Variants in SPATA2L observed in about 807,000 individuals in gnomAD.
The protein encoded by SPATA2L is spermatogenesis associated 2 like.
In SPATA2L, 5 loss-of-function variants were observed where a neutral mutation model predicts 8.7. The ratio of observed to expected loss-of-function variants is 0.57; its 90% CI spans 0.30 to 1.21. The LOEUF is 1.21. Ranked by LOEUF, SPATA2L falls within the 50% of genes most tolerant of loss-of-function variation. SPATA2L has a pLI of 0.07. For missense variants in SPATA2L, 671 were observed against 591.0 expected (o/e 1.14, Z -1.40); for synonymous variants, 358 against 275.8 (o/e 1.30, Z -2.95).
At chr16:89,699,561 T>C (rs537399159) in intron 2 of SPATA2L, among the ~76,000 whole-genome samples, 1 of 151,770 alleles carries the variant, frequency 6.6e-6, no homozygotes, top group East Asian at 1.9e-4. Flanking sequence ...CTCTTTTTTT[T>C]TTTTTTTTGA....
chr16:89,696,901 C>A lies in SPATA2L; in HGVS notation c.*433G>T. The A allele has an allele frequency of 6.5e-7, 1 of 1,532,782 alleles. No individual in the cohort carries two copies. The highest frequency in any genetic ancestry group is 8.7e-7 in the Non-Finnish European group (1 of 1,144,830). The allele number at this position is 1,532,782 out of a possible 1,614,324, so 94.9% of individuals were successfully genotyped here. On this transcript the variant is annotated 3_prime_UTR_variant, in exon 3 of 3. Transcript: ENST00000289805. ...GGGAGCTCGGTGTCACCAACAGGCCCTTGAGGACACTCGTGTGGAGAATCC... is the reference window on the plus strand; with the variant it reads ...GGGAGCTCGGTGTCACCAACAGGCCATTGAGGACACTCGTGTGGAGAATCC...
intron 2 of SPATA2L, among the ~76,000 whole-genome samples, chr16:89,700,027 T>G (rs939768972): frequency 2.6e-5 from 4 of 152,354 alleles, no homozygotes; most frequent in Admixed American, 2.0e-4. Context: ...GGGCTTTGAT[T>G]CATTCCTCTG....
At position 89,697,612 on chromosome 16, in the gene SPATA2L, G is replaced by A. The variant is rs1460368796; in HGVS notation, c.997C>T (p.Pro333Ser). Residue 333 changes from proline to serine, a missense_variant, in exon 3 of 3, where the codon CCG becomes TCG. Transcript: ENST00000289805. ...ACCCCCTCTGCCCGAATACGCCTCG[G>A]GCTGGCCGCTGCAGAGCTTTCAGGG... ...ATPESSAAAS[P>S]RRIRAEGVPA... 3 of 1,604,700 alleles carry A rather than the reference G, an allele frequency of 1.9e-6. No homozygotes were observed. The African/African-American group carries it at 4.0e-5, about 21-fold the overall frequency.
At chr16:89,700,195 C>T (rs910330111) in intron 2 of SPATA2L, among the ~76,000 whole-genome samples, 2 of 152,248 alleles carry the variant, frequency 1.3e-5, no homozygotes, top group Admixed American at 6.5e-5. Flanking sequence ...CCGCCCCGCC[C>T]CCTGGGAGGC....
rs765822196 is a variant in SPATA2L at position 89,700,939 on chromosome 16, G to A, written c.294C>T (p.Thr98=). Residue 98 remains threonine, a synonymous_variant, in exon 2 of 3, where the codon ACC becomes ACT. Coordinates refer to ENST00000289805, the MANE Select transcript of SPATA2L (RefSeq NM_152339.4). ...CTGGCCTGGCGCCTACCTTGATGGT[G>A]GTGAACTCCTTCCTCCAGGGCAGCA... is the stretch of plus-strand genomic sequence containing the variant. ...LYLLPWRKEF[T]TIKTFSGGYV... 2.2e-4 allele frequency: 330 copies of A among 1,488,260 alleles called. No homozygotes were observed. The highest frequency in any genetic ancestry group is 2.6e-4 in the Non-Finnish European group (291 of 1,116,434). 92.2% of individuals were successfully genotyped at this position (1,488,260 alleles called of 1,614,324 possible).
rs1335016100 is a variant in SPATA2L, at chr16:89,696,894, A to G, written c.*440T>C. The G allele has an allele frequency of 1.0e-5, 16 of 1,533,936 alleles. No homozygotes were observed. Among genetic ancestry groups the G allele is most frequent in the Non-Finnish European group, 1.4e-5 (16 of 1,145,656 alleles). ...GGGTGGGGGGAGCTCGGTGTCACCA[A>G]CAGGCCCTTGAGGACACTCGTGTGG... On this transcript the variant is annotated 3_prime_UTR_variant, in exon 3 of 3. Coordinates refer to ENST00000289805, the MANE Select transcript of SPATA2L (RefSeq NM_152339.4).
Position 89,697,639 on chromosome 16 carries a change from T to C in SPATA2L, c.970A>G (p.Thr324Ala). 1 of 1,607,644 alleles carries C rather than the reference T, an allele frequency of 6.2e-7. No individual in the cohort carries two copies. The highest frequency in any genetic ancestry group is 8.5e-7 in the Non-Finnish European group (1 of 1,179,808). ...CTGGCCGCTGCAGAGCTTTCAGGGG[T>C]GGCCAGGTCCCCAGGCCTACTCAGC... ...RELSRPGDLA[T>A]PESSAAASPR... The change falls in exon 3 of 3, where the codon ACC becomes GCC. Residue 324 changes from threonine (T) to alanine (A), a missense_variant. Thr to Ala is a moderately conservative substitution (Grantham distance 58, BLOSUM62 0). Transcript: ENST00000289805.
At chr16:89,698,380 T>A (rs566042798) in intron 2 of SPATA2L, 75 bp from the exon 3 acceptor site, 43 of 1,477,626 alleles carry the variant, frequency 2.9e-5, no homozygotes, top group African/African-American at 2.8e-4. Context: ...GGGTCCGGGA[T>A]CTGTTGGCTC....
At chr16:89,698,425 C>G (rs1597890096) in intron 2 of SPATA2L, 120 bp from the exon 3 acceptor site, 1 of 1,100,862 alleles carries the variant, frequency 9.1e-7, no homozygotes, top group South Asian at 2.0e-5. Flanking sequence ...AGACCCAACC[C>G]CAGAGACTAG....
At chr16:89,700,058 C>T (rs997983774) in intron 2 of SPATA2L, among the ~76,000 whole-genome samples, 2 of 152,218 alleles carry the variant, frequency 1.3e-5, no homozygotes, top group Non-Finnish European at 1.5e-5. Flanking sequence ...CTGGACTGTT[C>T]CCGTGTCGCT....
intron 2 of SPATA2L, among the ~76,000 whole-genome samples, chr16:89,699,193 A>C (rs944086484): frequency 6.6e-6 from 1 of 152,164 alleles, no homozygotes; most frequent in Non-Finnish European, 1.5e-5. Flanking sequence ...CTTCTGTCCC[A>C]CCGCTCCCTT....
At position 89,696,842 on chromosome 16, in the gene SPATA2L, C is replaced by T. The variant is rs375892681; in HGVS notation, c.*492G>A. On this transcript the variant is annotated 3_prime_UTR_variant, in exon 3 of 3. Coordinates refer to ENST00000289805, the MANE Select transcript of SPATA2L (RefSeq NM_152339.4). Reference sequence around the variant, plus strand: ...AGGTCAGCCGTGCACCCGGCAGAGCCCCGCAGATTGGCTCCAGCAGAGCTT... The same window carrying T: ...AGGTCAGCCGTGCACCCGGCAGAGCTCCGCAGATTGGCTCCAGCAGAGCTT... The T allele has an allele frequency of 2.0e-6, 3 of 1,535,302 alleles. No individual in the cohort carries two copies. Among genetic ancestry groups the T allele is most frequent in the East Asian group, 4.9e-5 (2 of 40,916 alleles).
intron 2 of SPATA2L, among the ~76,000 whole-genome samples, chr16:89,698,977 G>A (rs781589890): frequency 7.3e-5 from 11 of 151,560 alleles, no homozygotes; most frequent in East Asian, 1.9e-4. Flanking sequence ...TAGTAGAGAC[G>A]GGGTTTCACC....
rs777856820 is a variant in SPATA2L, at chr16:89,697,504, GGGT to G, written c.1102_1104del (p.Thr368del). 2 of 1,599,598 alleles carry G rather than the reference GGGT, an allele frequency of 1.3e-6. No homozygotes were observed. Among genetic ancestry groups the G allele is most frequent in the African/African-American group, 2.7e-5 (2 of 74,756 alleles). ...AGCTGGCGACAGGTGTCGCAGCAGA[GGGT>G]GGGCAGGGCGCCAGGGGACAGGCAG... On this transcript the variant is annotated inframe_deletion, in exon 3 of 3. Coordinates refer to ENST00000289805, the MANE Select transcript of SPATA2L (RefSeq NM_152339.4).
chr16:89,696,831 C>CCCGGCAGAGCCCCGCAGATTGGCT lies in SPATA2L; in HGVS notation c.*479_*502dup. On this transcript the variant is annotated 3_prime_UTR_variant, in exon 3 of 3. Transcript: ENST00000289805. Reference sequence around the variant, plus strand: ...TCCCCGAAGCCAGGTCAGCCGTGCACCCGGCAGAGCCCCGCAGATTGGCTC... The same window carrying CCCGGCAGAGCCCCGCAGATTGGCT: ...TCCCCGAAGCCAGGTCAGCCGTGCACCCGGCAGAGCCCCGCAGATTGGCTCCGGCAGAGCCCCGCAGATTGGCTC... 6.5e-7 allele frequency: 1 copy of CCCGGCAGAGCCCCGCAGATTGGCT among 1,535,256 alleles called. No individual in the cohort carries two copies. The highest frequency in any genetic ancestry group is 8.7e-7 in the Non-Finnish European group (1 of 1,146,440).
chr16:89,699,791 C>T (rs2060763728), intron 2 of SPATA2L, among the ~76,000 whole-genome samples: 1 of 152,196 alleles, frequency 6.6e-6, no homozygotes. Context: ...ACCTCGTGAT[C>T]TGCCCACCTC....
In SPATA2L at chr16:89,696,999, G is replaced by A; in HGVS notation, c.*335C>T. 2 of 1,426,946 alleles carry A rather than the reference G, an allele frequency of 1.4e-6. No individual in the cohort carries two copies. Among genetic ancestry groups the A allele is most frequent in the Non-Finnish European group, 1.8e-6 (2 of 1,088,694 alleles). 88.4% of individuals were successfully genotyped at this position (1,426,946 alleles called of 1,614,324 possible). On this transcript the variant is annotated 3_prime_UTR_variant, in exon 3 of 3. Transcript: ENST00000289805. ...TGCAGGGAGCAGGCCAGGAGCCACG[G>A]GCCTTGGGGCACAGGGTCCTTCTCA...
At chr16:89,701,367 C>T in intron 1 of SPATA2L, 134 bp from the exon 2 acceptor site, 1 of 898,620 alleles carries the variant, frequency 1.1e-6, no homozygotes. Flanking sequence ...CTGGGCGCCC[C>T]CGGTATCTTC....
chr16:89,700,518 C>T (rs1342174509), intron 2 of SPATA2L, among the ~76,000 whole-genome samples: 1 of 152,230 alleles, frequency 6.6e-6, no homozygotes, highest in Non-Finnish European at 1.5e-5. Flanking sequence ...CAGGGATGCA[C>T]CCATCTGCAG....
Sources: allele counts gnomAD v4.1 joint callset (sites outside exome capture counted in the v4.1 genomes callset), GRCh38; gene constraint gnomAD v4.1.1; transcripts MANE v1.5; gene names NCBI Gene and HGNC (gene_info 2026-07-23, HGNC 2026-07-21).